Variants in OR4N2 observed in about 807,000 individuals in gnomAD.
OR4N2 encodes the protein olfactory receptor 4N2.
For missense variants in OR4N2, 307 were observed against 377.6 expected (o/e 0.81, Z 1.55); for synonymous variants, 141 against 140.4 (o/e 1.00, Z -0.03).
chr14:19,808,345 C>T (rs1030756152), intron 1 of OR4N2, among the ~76,000 whole-genome samples: 1 of 152,092 alleles, frequency 6.6e-6, no homozygotes, highest in Admixed American at 6.6e-5. Context: ...CTAACTTTCA[C>T]AAAAAAGCAA....
chr14:19,812,604 C>T (rs1330938165), intron 1 of OR4N2, among the ~76,000 whole-genome samples: 1 of 152,192 alleles, frequency 6.6e-6, no homozygotes, highest in African/African-American at 2.4e-5. Context: ...GTGATCCGCC[C>T]ACCTCGGCCT....
intron 1 of OR4N2, among the ~76,000 whole-genome samples, chr14:19,815,078 G>A (rs1179674621): frequency 6.6e-6 from 1 of 152,224 alleles, no homozygotes; most frequent in Non-Finnish European, 1.5e-5. Flanking sequence ...TGATTGATGG[G>A]CATTTGGGTT....
At chr14:19,811,947 A>C (rs1259457246) in intron 1 of OR4N2, among the ~76,000 whole-genome samples, 7 of 152,276 alleles carry the variant, frequency 4.6e-5, no homozygotes, top group Non-Finnish European at 1.5e-5. Context: ...CATTGAAAGA[A>C]AGTTGTTTTT....
chr14:19,808,080 C>A (rs751839853), intron 1 of OR4N2, among the ~76,000 whole-genome samples: 7 of 152,034 alleles, frequency 4.6e-5, no homozygotes, highest in Non-Finnish European at 1.0e-4. Flanking sequence ...TGAAGGAATA[C>A]ACCTCAAAAT....
chr14:19,824,551 AC>A (rs1879644597), intron 1 of OR4N2, among the ~76,000 whole-genome samples: 1 of 152,226 alleles, frequency 6.6e-6, no homozygotes, highest in Non-Finnish European at 1.5e-5. Flanking sequence ...AGTACAGTTG[AC>A]CCCAGAAAAA....
chr14:19,805,778 A>G (rs972652009), intron 1 of OR4N2, among the ~76,000 whole-genome samples: 4 of 152,182 alleles, frequency 2.6e-5, no homozygotes, highest in African/African-American at 9.6e-5. Context: ...AAGGCACATA[A>G]TCTTCAGATT....
chr14:19,820,790 C>T lies in OR4N2; in HGVS notation c.-9-6650C>T, dbSNP rs1430827316. On this transcript the variant is annotated intron_variant, in intron 1 of 1. Coordinates refer to ENST00000557677, the MANE Select transcript of OR4N2 (RefSeq NM_001004723.3). ...CAGATGCCCCTACCCCAACCAAGCTCGAGTGTCCCAGGTGAACTTCAGAGT... is the reference window on the plus strand; with the variant it reads ...CAGATGCCCCTACCCCAACCAAGCTTGAGTGTCCCAGGTGAACTTCAGAGT... Among the ~76,000 whole-genome samples, 9 of 152,324 alleles carry T rather than the reference C, an allele frequency of 5.9e-5. No homozygotes were observed. In the East Asian group the frequency reaches 9.6e-4, roughly 16 times the overall value.
intron 1 of OR4N2, chr14:19,822,516 G>A (rs1200495556): frequency 2.0e-5 from 3 of 152,218 alleles, no homozygotes; most frequent in Non-Finnish European, 4.4e-5. Flanking sequence ...ACAGAAAGTT[G>A]TAGAACCAAA....
At chr14:19,819,514 G>A (rs1364682242) in intron 1 of OR4N2, among the ~76,000 whole-genome samples, 1 of 152,210 alleles carries the variant, frequency 6.6e-6, no homozygotes, top group African/African-American at 2.4e-5. Flanking sequence ...TGAAGTTCTT[G>A]TGCTGTGTTT....
chr14:19,829,297 T>G lies in OR4N2; in HGVS notation c.*925T>G, dbSNP rs1264772976. 3.3e-5 allele frequency: 5 copies of G among 152,290 alleles called. No individual in the cohort carries two copies. The allele number at this position is 152,290 out of a possible 1,614,324, so 9.4% of individuals were successfully genotyped here. On this transcript the variant is annotated 3_prime_UTR_variant, in exon 2 of 2. Transcript: ENST00000557677. Reference sequence around the variant, plus strand: ...CTTTTAGCTGTATGTTTGACCTTATTGCCAATTGATTTCACTCTAAGTTTA... The same window carrying G: ...CTTTTAGCTGTATGTTTGACCTTATGGCCAATTGATTTCACTCTAAGTTTA...
intron 1 of OR4N2, among the ~76,000 whole-genome samples, chr14:19,808,841 A>T (rs1177425220): frequency 6.6e-6 from 1 of 152,198 alleles, no homozygotes; most frequent in African/African-American, 2.4e-5. Context: ...AAAGTAAAAA[A>T]AATGAAACTA....
At chr14:19,819,034 T>A (rs762739587) in intron 1 of OR4N2, among the ~76,000 whole-genome samples, 70 of 152,314 alleles carry the variant, frequency 4.6e-4, no homozygotes, top group Admixed American at 1.4e-3. Context: ...GCTTGTAGGG[T>A]TTCTGCAGAG....
chr14:19,826,558 C>T (rs1762444257), intron 1 of OR4N2, among the ~76,000 whole-genome samples: 1 of 152,230 alleles, frequency 6.6e-6, no homozygotes. Flanking sequence ...TGGCTACTTA[C>T]AGTGTATCTA....
chr14:19,822,451 G>C (rs1038462766), intron 1 of OR4N2: 1 of 152,222 alleles, frequency 6.6e-6, no homozygotes, highest in African/African-American at 2.4e-5. Flanking sequence ...ACATTCAGCA[G>C]GTATGAAAGT....
At chr14:19,805,099 G>GA (rs1367622466) in intron 1 of OR4N2, among the ~76,000 whole-genome samples, 2 of 152,174 alleles carry the variant, frequency 1.3e-5, no homozygotes, top group Non-Finnish European at 2.9e-5. Context: ...TTGCATGTGA[G>GA]ATGGGTCTCT....
intron 1 of OR4N2, among the ~76,000 whole-genome samples, chr14:19,825,625 G>A (rs1206055810): frequency 3.3e-5 from 5 of 152,114 alleles, no homozygotes; most frequent in African/African-American, 4.8e-5. Context: ...GCGCGATCTC[G>A]GCTCACTGAA....
chr14:19,814,492 C>T (rs149968325), intron 1 of OR4N2, among the ~76,000 whole-genome samples: 3,209 of 151,756 alleles, frequency 0.021, 25 homozygotes, highest in African/African-American at 0.069. Flanking sequence ...AATTTAAAGG[C>T]GTGCCCAAAA....
intron 1 of OR4N2, among the ~76,000 whole-genome samples, chr14:19,822,960 A>G (rs903513220): frequency 2.0e-5 from 3 of 152,352 alleles, no homozygotes; most frequent in Non-Finnish European, 4.4e-5. Context: ...GGATCCTTTT[A>G]TGTTATTACA....
intron 1 of OR4N2, among the ~76,000 whole-genome samples, chr14:19,818,159 T>A (rs1211263660): frequency 6.6e-6 from 1 of 152,272 alleles, no homozygotes; most frequent in Non-Finnish European, 1.5e-5. Context: ...AGAATATATA[T>A]TCTGTTGATT....
Sources: gnomAD v4.1 joint callset for allele counts (sites outside exome capture counted in the v4.1 genomes callset) on GRCh38, gnomAD v4.1.1 for gene constraint, MANE v1.5 for transcripts, NCBI Gene and HGNC (gene_info 2026-07-23, HGNC 2026-07-21) for gene names.